LRP1B: variants seen among roughly 807,000 people sequenced by gnomAD.
The protein encoded by LRP1B is LDL receptor related protein 1B.
Under a neutral mutation model 556.6 loss-of-function variants are expected in LRP1B, and 217 were observed. The ratio of observed to expected loss-of-function variants is 0.39; its 90% CI spans 0.35 to 0.44. The LOEUF (loss-of-function observed/expected upper bound fraction) is 0.44, where lower values mean the gene tolerates loss of function less well. Among genes scored for constraint, LRP1B ranks in the 20% least tolerant of loss-of-function variants. The pLI is 1.00. For missense variants in LRP1B, 5,053 were observed against 5,620.8 expected (o/e 0.90, Z 3.23); for synonymous variants, 2,047 against 1,865.8 (o/e 1.10, Z -2.50).
chr2:140,876,554 G>A (rs1006381641), intron 25 of LRP1B, among the ~76,000 whole-genome samples: 2 of 152,112 alleles, frequency 1.3e-5, no homozygotes, highest in African/African-American at 4.8e-5. Flanking sequence ...TGCAAAAACT[G>A]ACCTCATACC....
chr2:140,897,659 A>G (rs1201739440), intron 23 of LRP1B, among the ~76,000 whole-genome samples: 1 of 152,170 alleles, frequency 6.6e-6, no homozygotes, highest in Non-Finnish European at 1.5e-5. Flanking sequence ...AGGAATGTGG[A>G]AAGACTAGAT....
intron 2 of LRP1B, among the ~76,000 whole-genome samples, chr2:141,593,315 G>C (rs969279093): frequency 6.6e-6 from 1 of 152,066 alleles, no homozygotes; most frequent in Non-Finnish European, 1.5e-5. Context: ...GTACCCCCTC[G>C]ACATATATAT....
At chr2:141,686,895 A>G (rs575741162) in intron 2 of LRP1B, among the ~76,000 whole-genome samples, 1 of 152,110 alleles carries the variant, frequency 6.6e-6, no homozygotes, top group African/African-American at 2.4e-5. Context: ...TAGCCATGTG[A>G]TGCTCTAAAC....
At chr2:141,429,708 T>C (rs1680495392) in intron 3 of LRP1B, among the ~76,000 whole-genome samples, 1 of 152,148 alleles carries the variant, frequency 6.6e-6, no homozygotes, top group African/African-American at 2.4e-5. Flanking sequence ...GTTCTCATCA[T>C]GCAGCTCCCA....
intron 35 of LRP1B, among the ~76,000 whole-genome samples, chr2:140,730,402 A>G (rs1398021400): frequency 1.3e-5 from 2 of 152,208 alleles, no homozygotes; most frequent in East Asian, 3.8e-4. Context: ...GATGACTAAA[A>G]CACTTTGATC....
intron 23 of LRP1B, 59 bp from the exon 24 acceptor site, chr2:140,886,394 C>A (rs189733635): frequency 1.2e-6 from 1 of 858,302 alleles, no homozygotes; most frequent in Non-Finnish European, 1.8e-6. Context: ...TAATGAAATG[C>A]TTGGGATCAA....
intron 2 of LRP1B, among the ~76,000 whole-genome samples, chr2:141,758,902 T>C (rs1694421173): frequency 6.6e-6 from 1 of 152,150 alleles, no homozygotes; most frequent in South Asian, 2.1e-4. Flanking sequence ...TCCTTCAAAT[T>C]TCAATCTAGA....
At chr2:141,704,100 G>A (rs1178633756) in intron 2 of LRP1B, among the ~76,000 whole-genome samples, 1 of 151,836 alleles carries the variant, frequency 6.6e-6, no homozygotes, top group Non-Finnish European at 1.5e-5. Context: ...CCATTTTAAT[G>A]AGAAAAATGA....
At chr2:141,287,474 C>T (rs1685765365) in intron 3 of LRP1B, among the ~76,000 whole-genome samples, 1 of 152,094 alleles carries the variant, frequency 6.6e-6, no homozygotes, top group Non-Finnish European at 1.5e-5. Context: ...AGGTGCCCAC[C>T]ACCATGCCCT....
intron 1 of LRP1B, among the ~76,000 whole-genome samples, chr2:141,949,723 T>C (rs2105031229): frequency 6.6e-6 from 1 of 152,266 alleles, no homozygotes; most frequent in African/African-American, 2.4e-5. Flanking sequence ...TCTTACATAC[T>C]ATACCTCTGA....
At chr2:141,082,822 C>T (rs1048488688) in intron 7 of LRP1B, among the ~76,000 whole-genome samples, 5 of 152,060 alleles carry the variant, frequency 3.3e-5, no homozygotes, top group Admixed American at 2.0e-4. Flanking sequence ...GCAATAAAAC[C>T]ATTGCATTTT....
intron 3 of LRP1B, among the ~76,000 whole-genome samples, chr2:141,437,684 G>T (rs1009407489): frequency 1.3e-5 from 2 of 151,868 alleles, no homozygotes; most frequent in African/African-American, 4.8e-5. Flanking sequence ...TTGGTATTGA[G>T]AATCGTCATG....
intron 84 of LRP1B, among the ~76,000 whole-genome samples, chr2:140,285,101 CTA>C (rs942881642): frequency 1.5e-4 from 23 of 148,632 alleles, no homozygotes; most frequent in African/African-American, 3.7e-4. Flanking sequence ...ATCTCTCTCT[CTA>C]TATATATATG....
At chr2:140,382,453 A>G (rs1242093403) in intron 67 of LRP1B, among the ~76,000 whole-genome samples, 1 of 152,158 alleles carries the variant, frequency 6.6e-6, no homozygotes, top group Admixed American at 6.5e-5. Context: ...GAGATTTCTC[A>G]ATTATTTCCA....
intron 3 of LRP1B, among the ~76,000 whole-genome samples, chr2:141,428,598 T>C (rs1477336321): frequency 6.6e-6 from 1 of 152,156 alleles, no homozygotes; most frequent in Non-Finnish European, 1.5e-5. Flanking sequence ...TTGTCTAATA[T>C]GTTTTCTGCT....
At chr2:141,844,318 C>T (rs1210107697) in intron 1 of LRP1B, among the ~76,000 whole-genome samples, 1 of 152,008 alleles carries the variant, frequency 6.6e-6, no homozygotes, top group Non-Finnish European at 1.5e-5. Flanking sequence ...TTACAGAACT[C>T]TTTATCATTT....
chr2:141,654,940 T>G (rs564220461), intron 2 of LRP1B, among the ~76,000 whole-genome samples: 2 of 152,032 alleles, frequency 1.3e-5, no homozygotes, highest in South Asian at 4.1e-4. Context: ...GTTAGGGAGG[T>G]GTACAATGCT....
intron 1 of LRP1B, among the ~76,000 whole-genome samples, chr2:141,962,530 A>T (rs1021584784): frequency 5.9e-5 from 9 of 151,820 alleles, no homozygotes; most frequent in African/African-American, 2.2e-4. Context: ...TACAGAGGTG[A>T]CCGTCCATAG....
intron 1 of LRP1B, among the ~76,000 whole-genome samples, chr2:142,047,435 G>A (rs1449499): frequency 0.53 from 80,618 of 151,742 alleles, 22,224 homozygotes; most frequent in East Asian, 0.69. Flanking sequence ...GTCTGTAGTC[G>A]TTTATAGGTT....
Sources: gnomAD v4.1 joint callset for allele counts (sites outside exome capture counted in the v4.1 genomes callset) on GRCh38, gnomAD v4.1.1 for gene constraint, MANE v1.5 for transcripts, NCBI Gene and HGNC (gene_info 2026-07-23, HGNC 2026-07-21) for gene names.